The following ASTN2 variants were observed in gnomAD, a reference collection of about 807,000 sequenced individuals.
ASTN2 encodes the protein astrotactin-2.
A neutral mutation model predicts 139.8 loss-of-function variants in ASTN2; 54 were observed. The observed-to-expected ratio is 0.39, with a 90% CI of 0.31 to 0.48. The LOEUF (loss-of-function observed/expected upper bound fraction) is 0.48, where lower values mean the gene tolerates loss of function less well. ASTN2 is among the 20% of genes least tolerant of loss of function. The pLI is 0.95. For synonymous variants in ASTN2, 756 were observed against 719.5 expected, an observed-to-expected ratio of 1.05 and a Z score of -0.81; for missense variants, 1,565 against 1,725.1, an observed-to-expected ratio of 0.91 and a Z score of 1.64.
chr9:116,865,574 G>A (rs1285461051), intron 10 of ASTN2, among the ~76,000 whole-genome samples: 1 of 152,000 alleles, frequency 6.6e-6, no homozygotes, highest in African/African-American at 2.4e-5. Context: ...TGGATGTCCT[G>A]AATTAAAGCA....
intron 2 of ASTN2, among the ~76,000 whole-genome samples, chr9:117,259,621 C>CAAT (rs1480247125): frequency 6.6e-6 from 1 of 152,182 alleles, no homozygotes; most frequent in African/African-American, 2.4e-5. Flanking sequence ...CTCTTTCAAC[C>CAAT]AATTGCCAAT....
chr9:116,593,769 T>A (rs1167012999), intron 19 of ASTN2, among the ~76,000 whole-genome samples: 1 of 152,190 alleles, frequency 6.6e-6, no homozygotes, highest in Non-Finnish European at 1.5e-5. Context: ...CCAGACACCT[T>A]TCATTTCCAT....
chr9:117,399,998 T>G (rs1218915879), intron 1 of ASTN2, among the ~76,000 whole-genome samples: 1 of 152,208 alleles, frequency 6.6e-6, no homozygotes, highest in Non-Finnish European at 1.5e-5. Context: ...CAACAAATAT[T>G]TATTGAGTAT....
intron 6 of ASTN2, among the ~76,000 whole-genome samples, chr9:117,029,168 G>T (rs1196680982): frequency 6.6e-6 from 1 of 152,152 alleles, no homozygotes; most frequent in Non-Finnish European, 1.5e-5. Flanking sequence ...TAAATTTGAG[G>T]ATAATAACTG....
intron 11 of ASTN2, 97 bp from the exon 12 acceptor site, chr9:116,820,880 C>T: frequency 7.8e-7 from 1 of 1,289,384 alleles, no homozygotes; most frequent in Non-Finnish European, 1.1e-6. Context: ...GTGTCAGGGC[C>T]TGACAGAAAG....
At chr9:117,215,615 G>A (rs1832293061) in intron 2 of ASTN2, among the ~76,000 whole-genome samples, 1 of 151,818 alleles carries the variant, frequency 6.6e-6, no homozygotes, top group South Asian at 2.1e-4. Flanking sequence ...GAAATACTCT[G>A]GTCTGTAAGA....
At chr9:116,873,464 T>C (rs1043087861) in intron 10 of ASTN2, among the ~76,000 whole-genome samples, 1 of 152,128 alleles carries the variant, frequency 6.6e-6, no homozygotes, top group African/African-American at 2.4e-5. Flanking sequence ...TTTCCTGGGA[T>C]AGTTGTGGCG....
At chr9:116,867,093 T>C (rs1833031221) in intron 10 of ASTN2, among the ~76,000 whole-genome samples, 1 of 150,986 alleles carries the variant, frequency 6.6e-6, no homozygotes, top group Non-Finnish European at 1.5e-5. Context: ...ACACAGGTCA[T>C]AGAGACAGAC....
intron 1 of ASTN2, among the ~76,000 whole-genome samples, chr9:117,325,459 T>C (rs552725040): frequency 2.6e-5 from 4 of 152,264 alleles, no homozygotes; most frequent in African/African-American, 9.6e-5. Context: ...CAGACTGAGA[T>C]TGATCTCATA....
chr9:116,649,866 AAT>A (rs1857811934), intron 17 of ASTN2, among the ~76,000 whole-genome samples: 1 of 152,092 alleles, frequency 6.6e-6, no homozygotes, highest in Admixed American at 6.5e-5. Context: ...TTTGGCTTAC[AAT>A]ATTGTGGAAA....
chr9:117,172,342 T>G (rs1055078164), intron 3 of ASTN2, among the ~76,000 whole-genome samples: 2 of 152,158 alleles, frequency 1.3e-5, no homozygotes, highest in Non-Finnish European at 2.9e-5. Flanking sequence ...TTTTCATTAA[T>G]TTTAATTTCA....
chr9:117,063,319 T>C (rs1250660232), intron 5 of ASTN2, among the ~76,000 whole-genome samples: 1 of 152,212 alleles, frequency 6.6e-6, no homozygotes, highest in African/African-American at 2.4e-5. Flanking sequence ...TCACTTGAAC[T>C]GTACTCCCAT....
chr9:117,279,892 C>T (rs182147837), intron 2 of ASTN2, among the ~76,000 whole-genome samples: 2 of 152,298 alleles, frequency 1.3e-5, no homozygotes, highest in East Asian at 1.9e-4. Flanking sequence ...CATCTTCATA[C>T]CATCTTCCCC....
chr9:116,439,194 A>ATTTTTTTTT lies in ASTN2; in HGVS notation c.3782+1406_3782+1414dup, dbSNP rs1016270368. On this transcript the variant is annotated intron_variant, in intron 22 of 22. Transcript: ENST00000313400. ...GATGTTGTGTTTTCTATTCAAATAC[A>ATTTTTTTTT]TTTTTTTTTTTTTTTTTTTTTTTTG... Among the ~76,000 whole-genome samples, 15 of 56,726 alleles carry ATTTTTTTTT rather than the reference A, an allele frequency of 2.6e-4. 3 individuals are homozygous for ATTTTTTTTT. Among genetic ancestry groups the ATTTTTTTTT allele is most frequent in the Admixed American group, 3.0e-4 (1 of 3,372 alleles). 37.2% of individuals were successfully genotyped at this position (56,726 alleles called of 152,430 possible). A position where few individuals can be genotyped will look rare whatever the true frequency, so the allele number is the denominator to read the frequency against.
At chr9:116,586,835 C>CACACACACACACACAT (rs1554717124) in intron 19 of ASTN2, among the ~76,000 whole-genome samples, 33 of 144,108 alleles carry the variant, frequency 2.3e-4, no homozygotes, top group Middle Eastern at 3.5e-3. Context: ...CATACATACA[C>CACACACACACACACAT]ACACACACAC....
chr9:116,504,189 A>G (rs4836731), intron 19 of ASTN2: 80,790 of 152,038 alleles, frequency 0.53, 22,749 homozygotes, highest in Admixed American at 0.63. Context: ...CCTTGTTCCA[A>G]TATTCTGATT....
intron 16 of ASTN2, among the ~76,000 whole-genome samples, chr9:116,677,329 T>A (rs1249725838): frequency 6.6e-6 from 1 of 152,176 alleles, no homozygotes; most frequent in Non-Finnish European, 1.5e-5. Context: ...AAAACCTCTG[T>A]TTTCTTCATT....
intron 19 of ASTN2, among the ~76,000 whole-genome samples, chr9:116,514,626 G>A (rs1347841781): frequency 5.3e-5 from 8 of 152,194 alleles, no homozygotes; most frequent in Admixed American, 5.2e-4. Flanking sequence ...AGGCAGGCAG[G>A]CCTCCTTGAG....
At chr9:116,446,282 G>GAGAT (rs1847994261) in intron 20 of ASTN2, among the ~76,000 whole-genome samples, 1 of 142,648 alleles carries the variant, frequency 7.0e-6, no homozygotes, top group Non-Finnish European at 1.5e-5. Flanking sequence ...TAGAGAGAGA[G>GAGAT]AGAGAGAGAG....
Sources: gnomAD v4.1 joint callset for allele counts (sites outside exome capture counted in the v4.1 genomes callset) on GRCh38, gnomAD v4.1.1 for gene constraint, MANE v1.5 for transcripts, NCBI Gene and HGNC (gene_info 2026-07-23, HGNC 2026-07-21) for gene names.